The following UNKL variants were observed in gnomAD, a reference collection of about 807,000 sequenced individuals.
The protein encoded by UNKL is putative E3 ubiquitin-protein ligase UNKL.
UNKL carries 60 observed loss-of-function variants against 78.0 expected under a neutral mutation model. That is an observed-to-expected ratio of 0.77 (90% confidence interval 0.63 to 0.95). UNKL has a LOEUF of 0.95. Among genes scored for constraint, UNKL ranks in the 40% least tolerant of loss-of-function variants. The pLI is 0.00. For missense variants in UNKL, 1,159 were observed against 1,045.7 expected, an observed-to-expected ratio of 1.11 and a Z score of -1.49; for synonymous variants, 608 against 474.8, an observed-to-expected ratio of 1.28 and a Z score of -3.65.
intron 2 of UNKL, among the ~76,000 whole-genome samples, chr16:1,405,378 G>A (rs1274933394): frequency 2.0e-5 from 3 of 151,922 alleles, no homozygotes; most frequent in South Asian, 2.1e-4. Flanking sequence ...GGTGGATCAC[G>A]AGCTCAAGAG....
chr16:1,381,680 C>A (rs1018053838), intron 10 of UNKL, among the ~76,000 whole-genome samples: 1 of 152,212 alleles, frequency 6.6e-6, no homozygotes, highest in Non-Finnish European at 1.5e-5. Context: ...TCATCCCTGA[C>A]CTCTGAGTTT....
intron 7 of UNKL, 150 bp downstream of exon 7, chr16:1,393,981 T>A: frequency 1.3e-6 from 1 of 767,848 alleles, no homozygotes; most frequent in Non-Finnish European, 2.1e-6. Flanking sequence ...CACGGGCATG[T>A]CAGGGACCCC....
intron 5 of UNKL, chr16:1,398,838 G>A: frequency 6.4e-7 from 1 of 1,563,726 alleles, no homozygotes; most frequent in African/African-American, 1.3e-5. Context: ...GGGACAGCTG[G>A]GGCTCAGGCG....
Position 1,399,254 on chromosome 16 carries a change from G to A in UNKL, c.734+120C>T. ...TGCTTGGAGATGCCCTCCCCTCCCG[G>A]GGATGATGGTGCCACAAGGGCAGCC... On this transcript the variant is annotated intron_variant, in intron 5 of 14. Transcript: ENST00000389221. The surrounding 1 kb of genome is among the most constrained non-coding windows in gnomAD (Gnocchi z 5.8). 3 of 1,407,196 alleles carry A rather than the reference G, an allele frequency of 2.1e-6. No individual in the cohort carries two copies. The South Asian group carries it at 4.5e-5, about 21-fold the overall frequency. 87.2% of individuals were successfully genotyped at this position (1,407,196 alleles called of 1,614,324 possible).
In UNKL at chr16:1,399,614, T is replaced by G; in HGVS notation, c.599-105A>C. 2.0e-6 allele frequency: 3 copies of G among 1,506,102 alleles called. No homozygotes were observed. The Admixed American group carries it at 6.1e-5, about 31-fold the overall frequency. 93.3% of individuals were successfully genotyped at this position (1,506,102 alleles called of 1,614,324 possible). ...TGGCTGTCCCCCAAATGGAAGGGGC[T>G]GCAGGAGGACTTGGGGAGCGCAGAC... On this transcript the variant is annotated intron_variant, in intron 4 of 14. Transcript: ENST00000389221. The surrounding 1 kb of genome is among the most constrained non-coding windows in gnomAD (Gnocchi z 5.8).
At position 1,364,393 on chromosome 16, in the gene UNKL, T is replaced by C. The variant is rs1388830090; in HGVS notation, c.*1847A>G. 1 of 152,272 alleles carries C rather than the reference T, an allele frequency of 6.6e-6. No homozygotes were observed. The highest frequency in any genetic ancestry group is 6.5e-5 in the Admixed American group (1 of 15,284). The allele number at this position is 152,272 out of a possible 1,614,324, so 9.4% of individuals were successfully genotyped here. On this transcript the variant is annotated 3_prime_UTR_variant, in exon 15 of 15. Coordinates refer to ENST00000389221, the MANE Select transcript of UNKL (RefSeq NM_001372107.1). ...TAGACGTTTTGCACTTAAAAAATGCTATTAAAAGTCTTTGGCAAAGCCACG... is the reference window on the plus strand; with the variant it reads ...TAGACGTTTTGCACTTAAAAAATGCCATTAAAAGTCTTTGGCAAAGCCACG...
intron 10 of UNKL, among the ~76,000 whole-genome samples, chr16:1,378,302 G>A (rs1237152438): frequency 6.6e-6 from 1 of 152,224 alleles, no homozygotes; most frequent in African/African-American, 2.4e-5. Context: ...GCAGGGCCAA[G>A]CGGTTTGCCC....
chr16:1,390,714 CAT>C lies in UNKL; in HGVS notation c.1024-22_1024-21del, dbSNP rs1030369103. 1.9e-5 allele frequency: 29 copies of C among 1,535,648 alleles called. No individual in the cohort carries two copies. Among genetic ancestry groups the C allele is most frequent in the East Asian group, 7.3e-5 (3 of 40,918 alleles). ...CTTGGCCTGCAACATAAAAAACAGT[CAT>C]ATGTGGAAAAAGCAGGGAGGAAATG... On this transcript the variant is annotated intron_variant, in intron 8 of 14. Transcript: ENST00000389221.
intron 13 of UNKL, 82 bp from the exon 14 acceptor site, chr16:1,367,431 T>TCC: frequency 7.0e-7 from 1 of 1,422,984 alleles, no homozygotes; most frequent in East Asian, 2.6e-5. Flanking sequence ...CCAGCGATCC[T>TCC]CCCCTCCCCT....
intron 2 of UNKL, among the ~76,000 whole-genome samples, chr16:1,408,260 G>GC (rs35934973): frequency 0.061 from 9,103 of 150,214 alleles, 323 homozygotes; most frequent in Non-Finnish European, 0.082. Context: ...CATGGGAGCT[G>GC]CCCCCCCCCC....
intron 9 of UNKL, among the ~76,000 whole-genome samples, chr16:1,390,259 T>G (rs2036991645): frequency 1.3e-5 from 2 of 152,104 alleles, no homozygotes; most frequent in Admixed American, 1.3e-4. Flanking sequence ...GTGCTGAGAT[T>G]ACAGGTGTGA....
chr16:1,401,785 T>G (rs1017583627), intron 3 of UNKL, 84 bp from the exon 4 acceptor site: 209 of 1,512,820 alleles, frequency 1.4e-4, no homozygotes, highest in Non-Finnish European at 1.8e-4. Flanking sequence ...CACGCTCCCC[T>G]CCCACCACTG....
At chr16:1,376,156 CCTCCTCCCTCAGTCCAAGGCTGGGGCATG>C (rs2036205397) in intron 10 of UNKL, among the ~76,000 whole-genome samples, 2 of 148,276 alleles carry the variant, frequency 1.3e-5, no homozygotes, top group Non-Finnish European at 1.5e-5. Context: ...CTGGGGCGCT[CCTCCTCCCTCAGTCCAAGGCTGGGGCATG>C]CTCCTCCCTC....
chr16:1,401,755 G>C, intron 3 of UNKL, 54 bp from the exon 4 acceptor site: 2 of 1,561,260 alleles, frequency 1.3e-6, no homozygotes, highest in South Asian at 2.3e-5. Flanking sequence ...CTCCAAAGCT[G>C]AAACGAGGTC....
At position 1,372,824 on chromosome 16, in the gene UNKL, G is replaced by C. The variant is rs1203589254; in HGVS notation, c.1265-1213C>G. On this transcript the variant is annotated intron_variant, in intron 10 of 14. Coordinates refer to ENST00000389221, the MANE Select transcript of UNKL (RefSeq NM_001372107.1). Reference sequence around the variant, plus strand: ...ACCGCACAGAGACCTCAGCAGCGTGGGGCACACCGCACAGGGACTGCCGGC... The same window carrying C: ...ACCGCACAGAGACCTCAGCAGCGTGCGGCACACCGCACAGGGACTGCCGGC... Among the ~76,000 whole-genome samples, 12 of 149,448 alleles carry C rather than the reference G, an allele frequency of 8.0e-5. No individual in the cohort carries two copies. In the South Asian group the frequency reaches 8.8e-4, roughly 11 times the overall value.
At position 1,378,314 on chromosome 16, in the gene UNKL, T is replaced by C. The variant is rs553359512; in HGVS notation, c.1265-6703A>G. ...CGGGCAGGGCCAAGCGGTTTGCCCA[T>C]AGTCAGGTCAGCCAGGCTCGGGAAC... On this transcript the variant is annotated intron_variant, in intron 10 of 14. Coordinates refer to ENST00000389221, the MANE Select transcript of UNKL (RefSeq NM_001372107.1). 5.3e-5 allele frequency among the ~76,000 whole-genome samples: 8 copies of C among 152,230 alleles called. No homozygotes were observed. The South Asian group carries it at 6.2e-4, about 12-fold the overall frequency.
intron 3 of UNKL, among the ~76,000 whole-genome samples, chr16:1,402,078 C>T (rs943164236): frequency 2.6e-5 from 4 of 152,330 alleles, no homozygotes; most frequent in South Asian, 2.1e-4. Context: ...CAAGTAAGAG[C>T]GGAGTTTTGT....
chr16:1,371,575 A>G lies in UNKL; in HGVS notation c.1301T>C (p.Ile434Thr), dbSNP rs1399469044. The change falls in exon 11 of 15, where the codon ATT (isoleucine) becomes ACT (threonine). Residue 434 changes from isoleucine (I) to threonine (T), a missense_variant. Physicochemically the swap from Ile to Thr is moderately conservative, Grantham distance 89. Coordinates refer to ENST00000389221, the MANE Select transcript of UNKL (RefSeq NM_001372107.1). Reference sequence around the variant, plus strand: ...TTCCAGGTCCTTCTCTAGGGATGCAATATTCACATTGCTAAGATGCAGGTC... The same window carrying G: ...TTCCAGGTCCTTCTCTAGGGATGCAGTATTCACATTGCTAAGATGCAGGTC... ...ALDLHLSNVN[I>T]ASLEKDLEEQ... is the part of the protein sequence containing the mutation. 1.3e-6 allele frequency: 2 copies of G among 1,536,146 alleles called. No individual in the cohort carries two copies. The highest frequency in any genetic ancestry group is 1.4e-5 in the African/African-American group (1 of 73,164).
intron 10 of UNKL, among the ~76,000 whole-genome samples, chr16:1,372,076 G>C (rs1404846435): frequency 2.2e-5 from 3 of 136,152 alleles, no homozygotes; most frequent in Non-Finnish European, 3.1e-5. Context: ...CTAACACGGT[G>C]AAACCCCGTC....
Sources: allele counts gnomAD v4.1 joint callset (sites outside exome capture counted in the v4.1 genomes callset), GRCh38; gene constraint gnomAD v4.1.1; non-coding constraint Gnocchi (gnomAD v3.1); transcripts MANE v1.5; gene names NCBI Gene and HGNC (gene_info 2026-07-23, HGNC 2026-07-21).